MYO16: variants seen among roughly 807,000 people sequenced by gnomAD.
MYO16 encodes the protein unconventional myosin-XVI.
MYO16 carries 94 observed loss-of-function variants against 205.3 expected under a neutral mutation model. The observed-to-expected ratio is 0.46, with a 90% CI of 0.39 to 0.54. The LOEUF (loss-of-function observed/expected upper bound fraction) is 0.54, where lower values mean the gene tolerates loss of function less well. MYO16 is among the 20% of genes least tolerant of loss of function. The pLI, the probability that MYO16 is intolerant of heterozygous loss-of-function variation, is 0.00. For synonymous variants in MYO16, 988 were observed against 954.0 expected (o/e 1.04, Z -0.66); for missense variants, 2,315 against 2,387.5 (o/e 0.97, Z 0.63).
intron 16 of MYO16, among the ~76,000 whole-genome samples, chr13:108,940,074 C>A (rs894224727): frequency 1.3e-5 from 2 of 152,122 alleles, no homozygotes; most frequent in Non-Finnish European, 2.9e-5. Context: ...AAATAATTCA[C>A]ATATTGTACC....
intron 7 of MYO16, among the ~76,000 whole-genome samples, chr13:108,818,448 A>C (rs1216812770): frequency 1.3e-5 from 2 of 148,684 alleles, no homozygotes; most frequent in Non-Finnish European, 2.9e-5. Context: ...AAACACAATA[A>C]TAAATAAAAA....
In MYO16 at chr13:108,984,803, C is replaced by T. The variant is rs112086038; in HGVS notation, c.2370-7573C>T. Among the ~76,000 whole-genome samples the T allele has an allele frequency of 1.2e-4, 19 of 152,270 alleles. No homozygotes were observed. The East Asian group carries it at 3.3e-3, about 26-fold the overall frequency. ...TCAAATACACCTCACGGCTCAGTCT[C>T]CTTTCAAGCCTATCCTTATGTTAAT... On this transcript the variant is annotated intron_variant, in intron 20 of 34. Coordinates refer to ENST00000457511, the MANE Select transcript of MYO16 (RefSeq NM_001198950.3).
At chr13:108,614,038 A>G (rs1277210665) in intron 1 of MYO16, among the ~76,000 whole-genome samples, 2 of 152,080 alleles carry the variant, frequency 1.3e-5, no homozygotes, top group Non-Finnish European at 2.9e-5. Flanking sequence ...GAGAAGCAAA[A>G]TTATCTATTC....
chr13:108,687,938 G>A (rs375068072), intron 2 of MYO16, among the ~76,000 whole-genome samples: 4 of 152,118 alleles, frequency 2.6e-5, no homozygotes, highest in African/African-American at 9.7e-5. Context: ...ACGATGAGGA[G>A]CCTAAAACCA....
chr13:109,056,593 A>G (rs1039979214), intron 27 of MYO16, among the ~76,000 whole-genome samples: 17 of 152,172 alleles, frequency 1.1e-4, no homozygotes, highest in Non-Finnish European at 1.2e-4. Flanking sequence ...GTAAATGCAT[A>G]CGCAAATAAT....
intron 28 of MYO16, among the ~76,000 whole-genome samples, chr13:109,113,239 AAG>A (rs1228909868): frequency 6.6e-6 from 1 of 152,048 alleles, no homozygotes; most frequent in Non-Finnish European, 1.5e-5. Context: ...AAATTTTATT[AAG>A]AGGCTAGATA....
chr13:108,946,120 G>A (rs2139327360), intron 16 of MYO16, among the ~76,000 whole-genome samples: 1 of 152,208 alleles, frequency 6.6e-6, no homozygotes, highest in South Asian at 2.1e-4. Context: ...CTGTTTGTCA[G>A]TATTTTATTG....
At chr13:108,785,598 AG>A (rs766944628) in intron 4 of MYO16, 36 bp from the exon 5 acceptor site, 3 of 1,257,304 alleles carry the variant, frequency 2.4e-6, no homozygotes, top group Non-Finnish European at 3.3e-6. Context: ...TAATTTAAAC[AG>A]TATATATGAT....
chr13:109,148,216 A>C (rs1343670382), intron 32 of MYO16, among the ~76,000 whole-genome samples: 1 of 152,246 alleles, frequency 6.6e-6, no homozygotes, highest in Non-Finnish European at 1.5e-5. Flanking sequence ...TTAAGAGCAC[A>C]AAGCTCTTTG....
intron 7 of MYO16, among the ~76,000 whole-genome samples, chr13:108,816,588 C>T (rs770559215): frequency 2.6e-5 from 4 of 152,154 alleles, no homozygotes; most frequent in Admixed American, 2.6e-4. Context: ...AGATAAGTTT[C>T]CCAATATGTC....
intron 21 of MYO16, among the ~76,000 whole-genome samples, chr13:108,998,350 T>C (rs1885103340): frequency 1.3e-5 from 2 of 152,302 alleles, no homozygotes; most frequent in South Asian, 4.1e-4. Flanking sequence ...ACATATATTG[T>C]ATATGCCCCA....
chr13:108,791,573 C>T (rs536458735), intron 5 of MYO16, among the ~76,000 whole-genome samples: 87 of 152,262 alleles, frequency 5.7e-4, no homozygotes, highest in African/African-American at 1.9e-3. Context: ...CCCACATTGG[C>T]ACAAGTAGTC....
At chr13:109,167,736 A>G (rs1265400842) in intron 33 of MYO16, among the ~76,000 whole-genome samples, 2 of 152,260 alleles carry the variant, frequency 1.3e-5, no homozygotes, top group African/African-American at 4.8e-5. Flanking sequence ...TAATTTTAAA[A>G]GCAGTTAGAG....
At chr13:109,165,451 A>G (rs1878612293) in intron 33 of MYO16, among the ~76,000 whole-genome samples, 1 of 152,228 alleles carries the variant, frequency 6.6e-6, no homozygotes, top group African/African-American at 2.4e-5. Context: ...CAGGTATTTT[A>G]AGTACATCAA....
chr13:108,810,524 C>T (rs1270175392), intron 7 of MYO16, among the ~76,000 whole-genome samples: 2 of 151,936 alleles, frequency 1.3e-5, no homozygotes, highest in African/African-American at 4.8e-5. Context: ...ATTATTTCAC[C>T]AAGAAAAATA....
At chr13:108,522,312 A>G in the MYO16 span, among the ~76,000 whole-genome samples, 1 of 152,248 alleles carries the variant, frequency 6.6e-6, no homozygotes, top group Non-Finnish European at 1.5e-5. Flanking sequence ...TGTTTACTGA[A>G]TAATGAACAA....
chr13:108,778,289 G>A (rs1318951327), intron 4 of MYO16, among the ~76,000 whole-genome samples: 1 of 152,180 alleles, frequency 6.6e-6, no homozygotes, highest in Non-Finnish European at 1.5e-5. Context: ...GCTTCCCCTG[G>A]CGAGGAAGAC....
At chr13:109,034,096 G>A (rs921462780) in intron 23 of MYO16, among the ~76,000 whole-genome samples, 17 of 151,938 alleles carry the variant, frequency 1.1e-4, no homozygotes, top group African/African-American at 4.1e-4. Flanking sequence ...AGCACAATTT[G>A]TGGCAGAGTC....
chr13:108,992,476 T>G, intron 21 of MYO16, 28 bp downstream of exon 21: 1 of 1,374,000 alleles, frequency 7.3e-7, no homozygotes, highest in Middle Eastern at 1.8e-4. Context: ...TAAAATTGTG[T>G]GAACTTGAAT....
Sources: allele counts gnomAD v4.1 joint callset (sites outside exome capture counted in the v4.1 genomes callset), GRCh38; gene constraint gnomAD v4.1.1; transcripts MANE v1.5; gene names NCBI Gene and HGNC (gene_info 2026-07-23, HGNC 2026-07-21).